Variants in MARCHF1 observed in about 807,000 individuals in gnomAD.
The protein encoded by MARCHF1 is E3 ubiquitin-protein ligase MARCHF1.
In MARCHF1, 40 loss-of-function variants were observed where a neutral mutation model predicts 54.2. The ratio of observed to expected loss-of-function variants is 0.74; its 90% confidence interval spans 0.57 to 0.96. The LOEUF is 0.96. MARCHF1 is among the 40% of genes least tolerant of loss of function. MARCHF1 has a pLI of 0.00. For synonymous variants in MARCHF1, 236 were observed against 236.3 expected (o/e 1.00, Z 0.01); for missense variants, 586 against 656.5 (o/e 0.89, Z 1.17).
intron 4 of MARCHF1, among the ~76,000 whole-genome samples, chr4:163,838,621 A>C: frequency 6.6e-6 from 1 of 152,116 alleles, no homozygotes; most frequent in African/African-American, 2.4e-5. Flanking sequence ...TAAATTAAAA[A>C]CAAATGTACA....
intron 1 of MARCHF1, among the ~76,000 whole-genome samples, chr4:164,274,985 T>C (rs759138675): frequency 4.0e-5 from 6 of 151,734 alleles, no homozygotes; most frequent in Non-Finnish European, 2.9e-5. Context: ...CAGGGTACAC[T>C]TTTAAGCAGA....
intron 7 of MARCHF1, 73 bp downstream of exon 7, chr4:163,612,198 C>G: frequency 7.8e-7 from 1 of 1,282,156 alleles, no homozygotes; most frequent in Non-Finnish European, 1.0e-6. Flanking sequence ...GGGTAGGTGT[C>G]AAACACGCAC....
chr4:164,176,941 G>GCTCTCTCTCTCT (rs57770641), intron 1 of MARCHF1, among the ~76,000 whole-genome samples: 38 of 58,160 alleles, frequency 6.5e-4, no homozygotes, highest in African/African-American at 1.5e-3. Flanking sequence ...TACCTTGTGC[G>GCTCTCTCTCTCT]CTCTCTCTCT....
chr4:163,604,742 G>C (rs1412043101), intron 7 of MARCHF1, among the ~76,000 whole-genome samples: 1 of 152,040 alleles, frequency 6.6e-6, no homozygotes, highest in African/African-American at 2.4e-5. Context: ...CTCTCTACTA[G>C]GCTACATTGA....
intron 1 of MARCHF1, among the ~76,000 whole-genome samples, chr4:164,160,422 A>C (rs1730200695): frequency 6.6e-6 from 1 of 152,186 alleles, no homozygotes; most frequent in Non-Finnish European, 1.5e-5. Flanking sequence ...TAAAGTAAAA[A>C]TATGGTATTA....
intron 2 of MARCHF1, among the ~76,000 whole-genome samples, chr4:164,050,528 C>T (rs1232462408): frequency 6.6e-6 from 1 of 152,102 alleles, no homozygotes; most frequent in Non-Finnish European, 1.5e-5. Context: ...GTTATCTCAT[C>T]TCCATTACTA....
chr4:163,711,496 T>C (rs1745104978), intron 4 of MARCHF1, among the ~76,000 whole-genome samples: 1 of 152,180 alleles, frequency 6.6e-6, no homozygotes, highest in African/African-American at 2.4e-5. Context: ...CAAGGCTCCT[T>C]TGCTCCTGGC....
chr4:163,939,383 T>C (rs1751864503), intron 3 of MARCHF1, among the ~76,000 whole-genome samples: 1 of 152,202 alleles, frequency 6.6e-6, no homozygotes, highest in African/African-American at 2.4e-5. Context: ...AGATGACTTA[T>C]TTGATAATCC....
chr4:163,835,826 A>G (rs564140168), intron 4 of MARCHF1, among the ~76,000 whole-genome samples: 5 of 152,236 alleles, frequency 3.3e-5, no homozygotes, highest in Non-Finnish European at 7.3e-5. Flanking sequence ...AAGTACATAT[A>G]ACCAGTTTAT....
intron 3 of MARCHF1, among the ~76,000 whole-genome samples, chr4:163,910,365 AC>A (rs1380569565): frequency 6.6e-6 from 1 of 152,182 alleles, no homozygotes; most frequent in East Asian, 1.9e-4. Flanking sequence ...CAACAAATAA[AC>A]TAAATCCAAG....
At chr4:163,602,171 T>C (rs1389275943) in intron 7 of MARCHF1, among the ~76,000 whole-genome samples, 1 of 152,122 alleles carries the variant, frequency 6.6e-6, no homozygotes, top group Non-Finnish European at 1.5e-5. Flanking sequence ...GCTAAAATGC[T>C]GTATAAAATA....
intron 3 of MARCHF1, among the ~76,000 whole-genome samples, chr4:163,958,023 G>A (rs1752265390): frequency 1.3e-5 from 2 of 152,006 alleles, no homozygotes; most frequent in African/African-American, 4.8e-5. Context: ...GAGCCCGAAA[G>A]ACTCTTCATA....
chr4:163,883,004 G>T (rs2111247852), intron 3 of MARCHF1, among the ~76,000 whole-genome samples: 1 of 152,120 alleles, frequency 6.6e-6, no homozygotes, highest in South Asian at 2.1e-4. Flanking sequence ...CATACATGTG[G>T]TTTTACATTT....
rs796377935 is a variant in MARCHF1 at position 163,981,148 on chromosome 4, GT to G, written c.-39+7352del. 6.7e-3 allele frequency among the ~76,000 whole-genome samples: 974 copies of G among 144,420 alleles called. 3 individuals are homozygous for G. The highest frequency in any genetic ancestry group is 0.019 in the African/African-American group (768 of 39,562). 94.7% of individuals were successfully genotyped at this position (144,420 alleles called of 152,430 possible). The stretch of plus-strand genomic sequence containing the variant: ...CCAGTGGTTTCCAGGTGCCAGAATT[GT>G]TTTTTTTTTTTCCTAAGAAACTCCC... On this transcript the variant is annotated intron_variant, in intron 3 of 9. Coordinates refer to ENST00000514618, the MANE Select transcript of MARCHF1 (RefSeq NM_001394959.1).
chr4:163,747,695 C>T (rs1579252938), intron 4 of MARCHF1, among the ~76,000 whole-genome samples: 1 of 152,132 alleles, frequency 6.6e-6, no homozygotes, highest in South Asian at 2.1e-4. Context: ...AATTTAAAAA[C>T]TCACATAACA....
intron 2 of MARCHF1, among the ~76,000 whole-genome samples, chr4:163,990,063 T>C (rs1038837810): frequency 2.0e-5 from 3 of 152,150 alleles, no homozygotes; most frequent in African/African-American, 7.2e-5. Flanking sequence ...AGAGATAAAA[T>C]GTGAAAAAAG....
At chr4:163,638,572 T>C (rs1181973389) in intron 5 of MARCHF1, among the ~76,000 whole-genome samples, 2 of 152,076 alleles carry the variant, frequency 1.3e-5, no homozygotes, top group African/African-American at 4.8e-5. Context: ...TCAATCAAAT[T>C]ACTTTTTTTT....
At chr4:164,113,558 C>T (rs1354094820) in intron 1 of MARCHF1, among the ~76,000 whole-genome samples, 1 of 151,924 alleles carries the variant, frequency 6.6e-6, no homozygotes. Context: ...TCAGCACCGG[C>T]GTTCTTACAT....
intron 1 of MARCHF1, among the ~76,000 whole-genome samples, chr4:164,287,097 T>A (rs2111354617): frequency 6.7e-6 from 1 of 148,284 alleles, no homozygotes; most frequent in Non-Finnish European, 1.5e-5. Flanking sequence ...AAAAATAATA[T>A]AATTTATATT....
Sources: gnomAD v4.1 joint callset for allele counts (sites outside exome capture counted in the v4.1 genomes callset) on GRCh38, gnomAD v4.1.1 for gene constraint, MANE v1.5 for transcripts, NCBI Gene and HGNC (gene_info 2026-07-23, HGNC 2026-07-21) for gene names.